The following PKD1 variants were observed in gnomAD, a reference collection of about 807,000 sequenced individuals.
The protein encoded by PKD1 is polycystin-1.
In PKD1, 81 loss-of-function variants were observed where a neutral mutation model predicts 361.7. That is an observed-to-expected ratio of 0.22 (90% CI 0.19 to 0.27). The LOEUF (loss-of-function observed/expected upper bound fraction) is 0.27. PKD1 is among the 10% of genes least tolerant of loss of function. The pLI is 1.00. For synonymous variants in PKD1, 3,615 were observed against 2,818.3 expected (o/e 1.28, Z -8.95); for missense variants, 6,399 against 6,118.3 (o/e 1.05, Z -1.53).
In PKD1 at chr16:2,124,164, G is replaced by A. The variant is rs1378441803; in HGVS notation, c.216-4786C>T. On this transcript the variant is annotated intron_variant, in intron 1 of 45. Coordinates refer to ENST00000262304, the MANE Select transcript of PKD1 (RefSeq NM_001009944.3). ...AACAGCAGAGGGTGTGGCCAGGCCT[G>A]GAGGCTGCCCCTCCACACCCGTCAC... is the stretch of plus-strand genomic sequence containing the variant. Among the ~76,000 whole-genome samples the A allele has an allele frequency of 5.3e-5, 8 of 152,200 alleles. No individual in the cohort carries two copies. In the South Asian group the frequency reaches 1.7e-3, roughly 31 times the overall value.
rs1479816275 is a variant in PKD1 at position 2,090,907 on chromosome 16, G to A, written c.11980C>T (p.Leu3994=). The A allele has an allele frequency of 1.8e-5, 28 of 1,595,442 alleles. No individual in the cohort carries two copies. The highest frequency in any genetic ancestry group is 2.2e-5 in the Non-Finnish European group (26 of 1,177,020). ...ACCTTGACCAAAAGCAGGAAGAGCA[G>A]CGAGGCCGCCAGGCCACGGGCTGCG... ...SSAARGLAAS[L]LFLLLVKAAQ... The change falls in exon 43 of 46, where the codon CTG becomes TTG. Residue 3994 remains leucine (L), a synonymous_variant. Coordinates refer to ENST00000262304, the MANE Select transcript of PKD1 (RefSeq NM_001009944.3).
chr16:2,103,838 C>T lies in PKD1; in HGVS notation c.8219G>A (p.Gly2740Glu), dbSNP rs2092207231. 2 of 1,607,334 alleles carry T rather than the reference C, an allele frequency of 1.2e-6. No homozygotes were observed. The highest frequency in any genetic ancestry group is 1.7e-6 in the Non-Finnish European group (2 of 1,178,770). The change falls in exon 23 of 46, where the codon GGA (glycine) becomes GAA (glutamate). Residue 2740 changes from glycine to glutamate, a missense_variant. Gly to Glu is a moderately conservative substitution (Grantham distance 98, BLOSUM62 -2). Coordinates refer to ENST00000262304, the MANE Select transcript of PKD1 (RefSeq NM_001009944.3). ...DVRAPQPSEL[G>E]AESPSRMVAS... ...CACCATCCGAGATGGTGACTCGGCT[C>T]CCAGCTCTGAGGGCTGTGGTGCCCG...
At position 2,110,873 on chromosome 16, in the gene PKD1, T is replaced by C. The variant is rs764794277; in HGVS notation, c.4294A>G (p.Thr1432Ala). Residue 1432 changes from threonine to alanine, a missense_variant, in exon 15 of 46, where the codon ACG becomes GCG. Physicochemically the swap from Thr to Ala is moderately conservative, Grantham distance 58. Transcript: ENST00000262304. ...GAGCCTGGGTCTCGGTAGATGAACG[T>C]CACCTCAGGGCCCCTGGCACGGGTG... Reference protein sequence around the residue: ...APTRARGPEVTFIYRDPGSYL... With the variant: ...APTRARGPEVAFIYRDPGSYL... The C allele has an allele frequency of 6.8e-6, 11 of 1,611,716 alleles. No individual in the cohort carries two copies. The Admixed American group carries it at 1.8e-4, about 27-fold the overall frequency.
At chr16:2,122,665 T>C (rs1223115051) in intron 1 of PKD1, among the ~76,000 whole-genome samples, 1 of 152,234 alleles carries the variant, frequency 6.6e-6, no homozygotes, top group African/African-American at 2.4e-5. Flanking sequence ...GGGGGAACAC[T>C]GTGCCGTGAG....
chr16:2,089,054 A>T lies in PKD1; in HGVS notation c.*673T>A. 1 of 191,626 alleles carries T rather than the reference A, an allele frequency of 5.2e-6. No homozygotes were observed. The highest frequency in any genetic ancestry group is 1.1e-5 in the Non-Finnish European group (1 of 91,524). The allele number at this position is 191,626 out of a possible 1,614,324, so 11.9% of individuals were successfully genotyped here. On this transcript the variant is annotated 3_prime_UTR_variant, in exon 46 of 46. Transcript: ENST00000262304. ...CTTGCTACCTGGCCTGGGGCAAGGG[A>T]GGATGACAAGGCCTCTGGGGTGATG...
In PKD1 at chr16:2,115,408, G is replaced by A. The variant is rs750916473; in HGVS notation, c.2067C>T (p.Ser689=). Residue 689 remains serine (S), a synonymous_variant, in exon 10 of 46, where the codon TCC becomes TCT. Transcript: ENST00000262304. ...ACTGCGCGGGGGGCCCCGCGGGAAC[G>A]GAGAAGAGGAACTCTCTCCATAGCG... ...PYALWREFLF[S]VPAGPPAQYS... 49 of 1,571,956 alleles carry A rather than the reference G, an allele frequency of 3.1e-5. No individual in the cohort carries two copies. Among genetic ancestry groups the A allele is most frequent in the African/African-American group, 6.7e-5 (5 of 74,088 alleles).
At chr16:2,104,807 G>A (rs570639284) in intron 21 of PKD1, among the ~76,000 whole-genome samples, 165 bp from the exon 22 acceptor site, 2 of 142,508 alleles carry the variant, frequency 1.4e-5, no homozygotes, top group African/African-American at 2.7e-5. Context: ...CTGTGGCTCT[G>A]CATGACCCAG....
At position 2,114,212 on chromosome 16, in the gene PKD1, G is replaced by A. The variant is rs150701590; in HGVS notation, c.2811C>T (p.Ala937=). 9.4e-5 allele frequency: 151 copies of A among 1,609,656 alleles called. No individual in the cohort carries two copies. The African/African-American group carries it at 1.9e-3, about 20-fold the overall frequency. ...TAEEPICGLR[A]TPSPEARVLQ... is the part of the protein sequence containing the mutation. ...GTACACGGGCCTCGGGGCTGGGCGT[G>A]GCGCGGAGGCCACAGATGGGCTCCT... Residue 937 remains alanine (A), a synonymous_variant, in exon 11 of 46, where the codon GCC becomes GCT. Coordinates refer to ENST00000262304, the MANE Select transcript of PKD1 (RefSeq NM_001009944.3).
rs749238606 is a variant in PKD1 at position 2,106,096 on chromosome 16, G to T, written c.7698C>A (p.Leu2566=). 67 of 1,605,816 alleles carry T rather than the reference G, an allele frequency of 4.2e-5. No individual in the cohort carries two copies. Among genetic ancestry groups the T allele is most frequent in the Non-Finnish European group, 4.2e-6 (5 of 1,176,652 alleles). ...CCTCCCACGGCCTGGCTCACCTGTT[G>T]AGGGCGACCACAGCGGCTCCCAGCT... ...QDQLGAAVVA[L]NRSLAITLPE... is the part of the protein sequence containing the mutation. Residue 2566 remains leucine (L), a synonymous_variant, in exon 19 of 46, where the codon CTC becomes CTA. Transcript: ENST00000262304. The surrounding 1 kb of genome is among the most constrained non-coding windows in gnomAD (Gnocchi z 6.5).
intron 1 of PKD1, among the ~76,000 whole-genome samples, chr16:2,125,194 G>A: frequency 6.6e-6 from 1 of 152,364 alleles, no homozygotes. Context: ...TGCAGTTTGG[G>A]ACGGTGCTCA....
At chr16:2,095,795 C>G (rs969880307) in intron 34 of PKD1, among the ~76,000 whole-genome samples, 4 of 152,216 alleles carry the variant, frequency 2.6e-5, no homozygotes, top group African/African-American at 9.6e-5. Context: ...GATGCGGAGT[C>G]TGAGCTGCCG....
intron 8 of PKD1, 141 bp from the exon 9 acceptor site, chr16:2,116,259 G>A (rs548774877): frequency 2.4e-5 from 22 of 903,554 alleles, no homozygotes; most frequent in African/African-American, 9.8e-5. Flanking sequence ...CCTGTCGCTC[G>A]AGAGGAAGAC....
chr16:2,094,350 C>G, intron 34 of PKD1, 140 bp from the exon 35 acceptor site: 2 of 687,476 alleles, frequency 2.9e-6, no homozygotes. Flanking sequence ...AGACCCTACC[C>G]CAAACGAGAG....
At position 2,106,275 on chromosome 16, in the gene PKD1, G is replaced by C. The variant is rs2092332479; in HGVS notation, c.7519C>G (p.Pro2507Ala). The C allele has an allele frequency of 2.5e-6, 4 of 1,610,084 alleles. No homozygotes were observed. The South Asian group carries it at 3.3e-5, about 13-fold the overall frequency. Residue 2507 changes from proline to alanine, a missense_variant, in exon 19 of 46, where the codon CCG becomes GCG. By Grantham distance (27) the Pro-to-Ala change is conservative. Transcript: ENST00000262304. This position sits in a 1 kb window ranked among gnomAD's most constrained non-coding sequence, Gnocchi z 6.5. ...CGCAGCAGCAGGGCGTACACCAGCG[G>C]GGCGCCAGCATCCTCCGCGTCATGC... is the stretch of plus-strand genomic sequence containing the variant. Reference protein sequence around the residue: ...GWHDAEDAGAPLVYALLLRRC... With the variant: ...GWHDAEDAGAALVYALLLRRC...
rs924690185 is a variant in PKD1, at chr16:2,117,406, C to G, written c.1385+83G>C. 15 of 1,119,482 alleles carry G rather than the reference C, an allele frequency of 1.3e-5. No individual in the cohort carries two copies. In the African/African-American group the frequency reaches 2.2e-4, roughly 16 times the overall value. 69.3% of individuals were successfully genotyped at this position (1,119,482 alleles called of 1,614,324 possible). A position where few individuals can be genotyped will look rare whatever the true frequency, so the allele number is the denominator to read the frequency against. On this transcript the variant is annotated intron_variant, in intron 6 of 45. Transcript: ENST00000262304. ...CGGCCCAGCTCCCACCTCCTTCCTC[C>G]TGAGACTCCCCAGCCGCAGGCTCTG... is the stretch of plus-strand genomic sequence containing the variant.
chr16:2,114,267 C>T lies in PKD1; in HGVS notation c.2756G>A (p.Arg919Gln), dbSNP rs750906073. The T allele has an allele frequency of 3.0e-5, 49 of 1,610,260 alleles. No individual in the cohort carries two copies. The highest frequency in any genetic ancestry group is 4.0e-5 in the African/African-American group (3 of 74,870). The stretch of plus-strand genomic sequence containing the variant: ...CGTCACCCGCAGGCTGAGGTTGGCC[C>T]GGCTGGCGCTGTTTTCCACCACCAC... ...VDVVVENSASRANLSLRVTAE... is the reference protein window; with the variant it reads ...VDVVVENSASQANLSLRVTAE... Residue 919 changes from arginine (R) to glutamine (Q), a missense_variant, in exon 11 of 46, where the codon CGG becomes CAG. Physicochemically the swap from Arg to Gln is conservative, Grantham distance 43 (BLOSUM62 1). Coordinates refer to ENST00000262304, the MANE Select transcript of PKD1 (RefSeq NM_001009944.3).
chr16:2,108,057 C>A (rs756137445), intron 15 of PKD1, 25 bp from the exon 16 acceptor site: 54 of 1,578,606 alleles, frequency 3.4e-5, no homozygotes, highest in Non-Finnish European at 4.3e-5. Flanking sequence ...CAAGGGGCGA[C>A]GTGGCCTGAG....
At chr16:2,098,259 A>G in intron 30 of PKD1, 2 of 520,710 alleles carry the variant, frequency 3.8e-6, no homozygotes, top group Admixed American at 3.2e-5. Context: ...CCCAGGCTGG[A>G]GTGCAATGGC....
rs57615937 is a variant in PKD1 at position 2,132,574 on chromosome 16, CAAAAAAAAAA to C, written c.215+2891_215+2900del. Among the ~76,000 whole-genome samples, 3 of 43,252 alleles carry C rather than the reference CAAAAAAAAAA, an allele frequency of 6.9e-5. No individual in the cohort carries two copies. In the Admixed American group the frequency reaches 7.0e-4, roughly 10 times the overall value. 28.4% of individuals were successfully genotyped at this position (43,252 alleles called of 152,430 possible). On this transcript the variant is annotated intron_variant, in intron 1 of 45. Coordinates refer to ENST00000262304, the MANE Select transcript of PKD1 (RefSeq NM_001009944.3). ...TGGAGACAAGAGCAAGACTCCGTCT[CAAAAAAAAAA>C]AAAAAAAGAAAAAAAAAAAGACATC...
Sources: allele counts gnomAD v4.1 joint callset (sites outside exome capture counted in the v4.1 genomes callset), GRCh38; gene constraint gnomAD v4.1.1; non-coding constraint Gnocchi (gnomAD v3.1); transcripts MANE v1.5; gene names NCBI Gene and HGNC (gene_info 2026-07-23, HGNC 2026-07-21).